Variants in TBC1D5 observed in about 807,000 individuals in gnomAD.
TBC1D5 encodes the protein TBC1 domain family member 5, also known as TBC1 domain family, member 5.
TBC1D5 carries 75 observed loss-of-function variants against 100.3 expected under a neutral mutation model. The ratio of observed to expected loss-of-function variants is 0.75; its 90% CI spans 0.62 to 0.91. The LOEUF is 0.91. Among genes scored for constraint, TBC1D5 ranks in the 40% least tolerant of loss-of-function variants. The probability of loss-of-function intolerance (pLI) is 0.00; values close to 1 mark genes in which losing one functional copy is unlikely to be tolerated. For synonymous variants in TBC1D5, 323 were observed against 325.6 expected (o/e 0.99, Z 0.09); for missense variants, 910 against 942.4 (o/e 0.97, Z 0.45).
chr3:17,305,934 G>A (rs1017523514), intron 14 of TBC1D5, among the ~76,000 whole-genome samples: 7 of 152,138 alleles, frequency 4.6e-5, no homozygotes, highest in Admixed American at 2.0e-4. Flanking sequence ...TCACATTTCT[G>A]CTTTGGACAT....
chr3:17,673,311 C>CTTTTTTTTTTTTTTTTT (rs374496313), intron 1 of TBC1D5, among the ~76,000 whole-genome samples: 3 of 125,976 alleles, frequency 2.4e-5, no homozygotes, highest in Admixed American at 8.7e-5. Context: ...CTTTTCTTTT[C>CTTTTTTTTTTTTTTTTT]TTTTTTTTTT....
intron 1 of TBC1D5, among the ~76,000 whole-genome samples, chr3:17,710,998 G>A (rs368932889): frequency 6.6e-6 from 1 of 152,044 alleles, no homozygotes; most frequent in Non-Finnish European, 1.5e-5. Flanking sequence ...TACACGGTCT[G>A]TTTTCATTTA....
intron 15 of TBC1D5, among the ~76,000 whole-genome samples, chr3:17,289,139 T>C (rs1456036350): frequency 6.6e-6 from 1 of 152,216 alleles, no homozygotes; most frequent in African/African-American, 2.4e-5. Flanking sequence ...CTGGTCCAGC[T>C]GCAAGCCCCG....
At position 17,500,226 on chromosome 3, in the gene TBC1D5, T is replaced by G. The variant is rs888363244; in HGVS notation, c.97+8248A>C. Among the ~76,000 whole-genome samples, 3 of 149,084 alleles carry G rather than the reference T, an allele frequency of 2.0e-5. 1 individual carries two copies. The highest frequency in any genetic ancestry group is 5.1e-5 in the African/African-American group (2 of 39,126). On this transcript the variant is annotated intron_variant, in intron 3 of 21. Coordinates refer to ENST00000253692, the Ensembl canonical transcript of TBC1D5. ...ATCAATGGAAGATTTTGAATAAAAC[T>G]GAAAAGCAGATCTAATTAATAAGAT...
intron 15 of TBC1D5, among the ~76,000 whole-genome samples, chr3:17,282,039 A>G (rs1052169026): frequency 6.6e-6 from 1 of 152,232 alleles, no homozygotes; most frequent in African/African-American, 2.4e-5. Context: ...TAATAAGAAA[A>G]ATAAGTGATT....
rs1372685403 is a variant in TBC1D5, at chr3:17,303,641, T to C, written c.1138+4351A>G. ...CTTTATGTCGGACCACAACTTTGTA[T>C]GCATTTAGCTTTCTCATGCTCTACC... On this transcript the variant is annotated intron_variant, in intron 14 of 21. Transcript: ENST00000253692. Among the ~76,000 whole-genome samples, 4 of 152,196 alleles carry C rather than the reference T, an allele frequency of 2.6e-5. No homozygotes were observed. The East Asian group carries it at 7.7e-4, about 29-fold the overall frequency.
chr3:17,723,849 C>G (rs183027479), intron 1 of TBC1D5, among the ~76,000 whole-genome samples: 1 of 152,036 alleles, frequency 6.6e-6, no homozygotes, highest in Non-Finnish European at 1.5e-5. Context: ...AATGGATTTT[C>G]AACTGCACAG....
intron 17 of TBC1D5, among the ~76,000 whole-genome samples, chr3:17,236,509 T>C (rs890384429): frequency 6.6e-6 from 1 of 151,314 alleles, no homozygotes; most frequent in African/African-American, 2.4e-5. Flanking sequence ...TTTTTTGAGA[T>C]GGAGTCTGGC....
intron 16 of TBC1D5, among the ~76,000 whole-genome samples, chr3:17,251,434 C>CG (rs201785106): frequency 3.0e-4 from 43 of 145,424 alleles, no homozygotes; most frequent in African/African-American, 8.4e-4. Context: ...AACCCCCCCC[C>CG]CCCCAGTAGA....
chr3:17,587,003 T>A (rs1175394958), intron 2 of TBC1D5, among the ~76,000 whole-genome samples: 1 of 151,900 alleles, frequency 6.6e-6, no homozygotes, highest in Non-Finnish European at 1.5e-5. Flanking sequence ...GTGAAAAAAA[T>A]TCCATTGAAA....
At chr3:17,424,605 A>G (rs957711236) in intron 4 of TBC1D5, among the ~76,000 whole-genome samples, 3 of 152,226 alleles carry the variant, frequency 2.0e-5, no homozygotes, top group Admixed American at 6.5e-5. Flanking sequence ...TCTGCAAATT[A>G]GTTCAGAGAT....
At chr3:17,309,896 T>G (rs1256596839) in intron 13 of TBC1D5, among the ~76,000 whole-genome samples, 1 of 152,108 alleles carries the variant, frequency 6.6e-6, no homozygotes, top group Non-Finnish European at 1.5e-5. Flanking sequence ...GATGAAAACA[T>G]GTAGAATGTG....
Position 17,713,685 on chromosome 3 carries a change from T to C in TBC1D5, c.-101+25658A>G, listed in dbSNP as rs528026746. ...ATAAAGAACTCTTAAAATTCAATGATAGAAGGACAATCGACCCAATTAAAA... is the reference window on the plus strand; with the variant it reads ...ATAAAGAACTCTTAAAATTCAATGACAGAAGGACAATCGACCCAATTAAAA... On this transcript the variant is annotated intron_variant, in intron 1 of 21. Transcript: ENST00000253692. Among the ~76,000 whole-genome samples, 4 of 152,180 alleles carry C rather than the reference T, an allele frequency of 2.6e-5. No homozygotes were observed. In the East Asian group the frequency reaches 5.8e-4, roughly 22 times the overall value.
chr3:17,738,843 C>T (rs2077170719), intron 1 of TBC1D5, among the ~76,000 whole-genome samples: 1 of 152,080 alleles, frequency 6.6e-6, no homozygotes, highest in African/African-American at 2.4e-5. Context: ...CTCTTTTTAT[C>T]CCTCAATTTA....
intron 3 of TBC1D5, among the ~76,000 whole-genome samples, chr3:17,484,972 G>GT (rs985305081): frequency 8.5e-5 from 13 of 152,132 alleles, no homozygotes; most frequent in Non-Finnish European, 1.8e-4. Context: ...CTTTTGCAAG[G>GT]TAACACTGGA....
At chr3:17,639,466 TA>T (rs575558815) in intron 1 of TBC1D5, among the ~76,000 whole-genome samples, 347 of 140,028 alleles carry the variant, frequency 2.5e-3, no homozygotes, top group Admixed American at 4.5e-3. Flanking sequence ...ACAATTTGGT[TA>T]AAAAAAAAAA....
chr3:17,188,053 T>C (rs1027163744), intron 18 of TBC1D5, among the ~76,000 whole-genome samples: 1 of 152,298 alleles, frequency 6.6e-6, no homozygotes, highest in Non-Finnish European at 1.5e-5. Context: ...CTTTAGAGGA[T>C]ATAGGCACAG....
chr3:17,628,253 C>T lies in TBC1D5; in HGVS notation c.-100-4340G>A, dbSNP rs149452270. ...GGCATGGAGGTGGATGCCTGTAATC[C>T]CAGCTACTTGTGAGGCCGGGCAGGG... On this transcript the variant is annotated intron_variant, in intron 1 of 21. Coordinates refer to ENST00000253692, the Ensembl canonical transcript of TBC1D5. 3.2e-3 allele frequency among the ~76,000 whole-genome samples: 483 copies of T among 152,066 alleles called. 1 individual carries two copies. The highest frequency in any genetic ancestry group is 0.011 in the African/African-American group (455 of 41,478).
At chr3:17,325,126 T>C (rs943487133) in intron 13 of TBC1D5, among the ~76,000 whole-genome samples, 2 of 152,150 alleles carry the variant, frequency 1.3e-5, no homozygotes, top group Non-Finnish European at 2.9e-5. Context: ...CCAAGACAAA[T>C]ATGTTTACAC....
Sources: allele counts gnomAD v4.1 joint callset (sites outside exome capture counted in the v4.1 genomes callset), GRCh38; gene constraint gnomAD v4.1.1; transcripts MANE v1.5; gene names NCBI Gene and HGNC (gene_info 2026-07-23, HGNC 2026-07-21).